Variants in DGKD observed in about 807,000 individuals in gnomAD.
DGKD encodes diacylglycerol kinase delta, also known as DAG kinase delta.
Under a neutral mutation model 154.4 loss-of-function variants are expected in DGKD, and 68 were observed. That is an observed-to-expected ratio of 0.44 (90% CI 0.36 to 0.54). The LOEUF (loss-of-function observed/expected upper bound fraction) is 0.54, where lower values mean the gene tolerates loss of function less well. Ranked by LOEUF, DGKD falls within the 20% of genes least tolerant of loss-of-function variation. The pLI, the probability that DGKD is intolerant of heterozygous loss-of-function variation, is 0.00. For missense variants in DGKD, 1,343 were observed against 1,593.6 expected, an observed-to-expected ratio of 0.84 and a Z score of 2.68; for synonymous variants, 693 against 638.0, an observed-to-expected ratio of 1.09 and a Z score of -1.30.
rs201735046 is a variant in DGKD at position 233,388,189 on chromosome 2, G to C, written c.157-68G>C. 2.0e-4 allele frequency: 323 copies of C among 1,578,902 alleles called. No homozygotes were observed. The African/African-American group carries it at 4.3e-3, about 21-fold the overall frequency. ...ATATGTTTCAGCCGCAACAGGCTGCGTTTCAGCCGGAAGAGTGAAAGGGCA... is the reference window on the plus strand; with the variant it reads ...ATATGTTTCAGCCGCAACAGGCTGCCTTTCAGCCGGAAGAGTGAAAGGGCA... On this transcript the variant is annotated intron_variant, in intron 1 of 29. Coordinates refer to ENST00000264057, the MANE Select transcript of DGKD (RefSeq NM_152879.3).
At chr2:233,364,009 A>C (rs1327068375) in intron 1 of DGKD, among the ~76,000 whole-genome samples, 2 of 152,214 alleles carry the variant, frequency 1.3e-5, no homozygotes, top group Non-Finnish European at 2.9e-5. Flanking sequence ...GATGAAGAGA[A>C]AGAGAGAAAG....
chr2:233,386,464 TTC>T (rs926542365), intron 1 of DGKD, among the ~76,000 whole-genome samples: 6 of 151,552 alleles, frequency 4.0e-5, no homozygotes, highest in East Asian at 1.9e-4. Flanking sequence ...GGGTGGGACT[TTC>T]TGTCTGCCTT....
intron 25 of DGKD, 45 bp downstream of exon 25, chr2:233,462,504 G>A: frequency 6.4e-7 from 1 of 1,559,316 alleles, no homozygotes. Context: ...CTCAGTGTCT[G>A]CCGCCCTCGG....
chr2:233,367,855 T>TTTC (rs201269220), intron 1 of DGKD, among the ~76,000 whole-genome samples: 13,691 of 45,980 alleles, frequency 0.3, 712 homozygotes, highest in African/African-American at 0.44. Context: ...TTTTTTCTTT[T>TTTC]TTTTTTTTTT....
rs192826976 is a variant in DGKD, at chr2:233,378,370, C to T, written c.157-9887C>T. 2.5e-3 allele frequency among the ~76,000 whole-genome samples: 371 copies of T among 151,382 alleles called. 3 individuals carry two copies. The highest frequency in any genetic ancestry group is 4.1e-3 in the Non-Finnish European group (275 of 67,876). On this transcript the variant is annotated intron_variant, in intron 1 of 29. Transcript: ENST00000264057. ...GAGGTTGCAGTGAGCCGAGATTGTG[C>T]CACTGCACTCCAGCCTGGGCGATAG... is the stretch of plus-strand genomic sequence containing the variant.
chr2:233,455,483 T>C (rs2063431492), intron 19 of DGKD, among the ~76,000 whole-genome samples: 1 of 152,226 alleles, frequency 6.6e-6, no homozygotes, highest in African/African-American at 2.4e-5. Context: ...TTCTCTCTTG[T>C]CTGTGAAACA....
chr2:233,398,227 C>T (rs1193696446), intron 3 of DGKD, among the ~76,000 whole-genome samples: 2 of 151,528 alleles, frequency 1.3e-5, no homozygotes, highest in Non-Finnish European at 2.9e-5. Context: ...ACTGCAAGCT[C>T]CGCCTCCCGG....
intron 1 of DGKD, among the ~76,000 whole-genome samples, chr2:233,374,160 C>T (rs997835397): frequency 6.6e-6 from 1 of 151,696 alleles, no homozygotes; most frequent in Non-Finnish European, 1.5e-5. Context: ...AAGTGATTCT[C>T]CTGCCTCAGC....
chr2:233,369,065 G>A (rs1222530474), intron 1 of DGKD, among the ~76,000 whole-genome samples: 1 of 152,216 alleles, frequency 6.6e-6, no homozygotes, highest in Non-Finnish European at 1.5e-5. Flanking sequence ...GGTTGTCTCA[G>A]CCTCATAAAG....
chr2:233,450,558 C>T (rs1240289852), intron 16 of DGKD, among the ~76,000 whole-genome samples: 3 of 152,196 alleles, frequency 2.0e-5, no homozygotes, highest in East Asian at 3.9e-4. Context: ...GAGGGCACCC[C>T]CAGCCTGTGC....
At chr2:233,466,490 A>G (rs2063826196) in intron 27 of DGKD, among the ~76,000 whole-genome samples, 1 of 151,990 alleles carries the variant, frequency 6.6e-6, no homozygotes, top group Admixed American at 6.6e-5. Context: ...AGTGTCTCTT[A>G]TAAAGAGTGC....
chr2:233,469,533 C>A lies in DGKD; in HGVS notation c.*73C>A. The A allele has an allele frequency of 7.6e-7, 1 of 1,323,098 alleles. No homozygotes were observed. The highest frequency in any genetic ancestry group is 1.1e-6 in the Non-Finnish European group (1 of 946,952). 82.0% of individuals were successfully genotyped at this position (1,323,098 alleles called of 1,614,324 possible). On this transcript the variant is annotated 3_prime_UTR_variant, in exon 30 of 30. Transcript: ENST00000264057. Reference sequence around the variant, plus strand: ...TAGCCTCCGCCCTCTCAGCCTGTGGCCTCTGCGCCTCCTGCCACTGAGGCC... The same window carrying A: ...TAGCCTCCGCCCTCTCAGCCTGTGGACTCTGCGCCTCCTGCCACTGAGGCC...
intron 1 of DGKD, among the ~76,000 whole-genome samples, chr2:233,364,076 C>G (rs555051326): frequency 6.6e-6 from 1 of 152,114 alleles, no homozygotes; most frequent in African/African-American, 2.4e-5. Context: ...GGCAACAGAG[C>G]GAGACTTTGC....
intron 3 of DGKD, among the ~76,000 whole-genome samples, chr2:233,415,791 T>C (rs890334056): frequency 2.0e-5 from 3 of 152,042 alleles, no homozygotes; most frequent in African/African-American, 7.3e-5. Context: ...TCCCAGCTAA[T>C]TTATAAATTT....
chr2:233,400,975 C>T (rs770964457), intron 3 of DGKD, among the ~76,000 whole-genome samples: 3 of 152,224 alleles, frequency 2.0e-5, no homozygotes, highest in Non-Finnish European at 4.4e-5. Flanking sequence ...CTTTGAATGT[C>T]CAGGGTCTGT....
intron 3 of DGKD, among the ~76,000 whole-genome samples, chr2:233,420,105 TG>T (rs1442771742): frequency 6.6e-6 from 1 of 152,034 alleles, no homozygotes; most frequent in African/African-American, 2.4e-5. Flanking sequence ...AGGGGCCTGG[TG>T]GGGTGTATAA....
intron 7 of DGKD, among the ~76,000 whole-genome samples, 157 bp downstream of exon 7, chr2:233,436,598 C>T (rs1575116562): frequency 6.6e-6 from 1 of 152,240 alleles, no homozygotes; most frequent in African/African-American, 2.4e-5. Flanking sequence ...GGGTCATTCT[C>T]CTTCTTAGCT....
Position 233,458,048 on chromosome 2 carries a change from C to T in DGKD, c.2581-236C>T, listed in dbSNP as rs948707522. ...GCGTGCCGTTAGTTTCCCCATTTTA[C>T]GCATGAGGAAATGGGGGAGAGAGAG... On this transcript the variant is annotated intron_variant, in intron 21 of 29. Coordinates refer to ENST00000264057, the MANE Select transcript of DGKD (RefSeq NM_152879.3). This position sits in a 1 kb window ranked among gnomAD's most constrained non-coding sequence, Gnocchi z 6.6. Among the ~76,000 whole-genome samples the T allele has an allele frequency of 4.6e-5, 7 of 152,126 alleles. No homozygotes were observed. The highest frequency in any genetic ancestry group is 1.2e-4 in the African/African-American group (5 of 41,412).
At position 233,441,862 on chromosome 2, in the gene DGKD, C is replaced by A; in HGVS notation, c.1086-25C>A. The A allele has an allele frequency of 6.2e-7, 1 of 1,602,854 alleles. No homozygotes were observed. The highest frequency in any genetic ancestry group is 1.1e-5 in the South Asian group (1 of 90,036). ...TTGTCCTGTGGAATGGATGTCATTT[C>A]ACGGCCTTTCTCTTTTCTCTGCAGC... On this transcript the variant is annotated intron_variant, in intron 9 of 29. Coordinates refer to ENST00000264057, the MANE Select transcript of DGKD (RefSeq NM_152879.3). The surrounding 1 kb of genome is among the most constrained non-coding windows in gnomAD (Gnocchi z 5.6).
Sources: gnomAD v4.1 joint callset for allele counts (sites outside exome capture counted in the v4.1 genomes callset) on GRCh38, gnomAD v4.1.1 for gene constraint, Gnocchi (gnomAD v3.1) non-coding constraint, MANE v1.5 for transcripts, NCBI Gene and HGNC (gene_info 2026-07-23, HGNC 2026-07-21) for gene names.